Variants in CDK19 observed in about 807,000 individuals in gnomAD.
CDK19 encodes the protein cyclin-dependent kinase 19.
CDK19 carries 20 observed loss-of-function variants against 68.3 expected under a neutral mutation model. The observed-to-expected ratio is 0.29, with a 90% CI of 0.21 to 0.43. CDK19 has a LOEUF of 0.43. CDK19 is among the 20% of genes least tolerant of loss of function. CDK19 has a pLI of 1.00. For missense variants in CDK19, 339 were observed against 623.5 expected (o/e 0.54, Z 4.86); for synonymous variants, 221 against 222.8 (o/e 0.99, Z 0.07).
At chr6:110,657,370 T>C (rs894895809) in intron 4 of CDK19, among the ~76,000 whole-genome samples, 1 of 152,220 alleles carries the variant, frequency 6.6e-6, no homozygotes, top group East Asian at 1.9e-4. Context: ...GTAAAATGAA[T>C]CATCAGTCCT....
At chr6:110,735,111 C>CTT (rs71733873) in intron 2 of CDK19, among the ~76,000 whole-genome samples, 1 of 145,996 alleles carries the variant, frequency 6.8e-6, no homozygotes, top group Non-Finnish European at 1.5e-5. Context: ...TTTTAATCTT[C>CTT]TTTTTTTTTT....
chr6:110,718,159 T>C (rs988653567), intron 2 of CDK19, among the ~76,000 whole-genome samples: 2 of 152,146 alleles, frequency 1.3e-5, no homozygotes, highest in Non-Finnish European at 2.9e-5. Flanking sequence ...CAGTCCAAAG[T>C]GTTTTGTTGG....
chr6:110,705,993 T>C (rs1044924794), intron 2 of CDK19, among the ~76,000 whole-genome samples: 2 of 152,064 alleles, frequency 1.3e-5, no homozygotes, highest in African/African-American at 4.8e-5. Flanking sequence ...ACTTAAAGTA[T>C]AATAAAAAAT....
At chr6:110,644,441 G>C (rs1780413940) in intron 4 of CDK19, among the ~76,000 whole-genome samples, 1 of 152,026 alleles carries the variant, frequency 6.6e-6, no homozygotes, top group Middle Eastern at 3.2e-3. Context: ...ATAAGAAGTA[G>C]TATTTGATAG....
intron 1 of CDK19, among the ~76,000 whole-genome samples, chr6:110,767,003 G>A (rs1051869137): frequency 3.9e-5 from 6 of 151,956 alleles, no homozygotes; most frequent in African/African-American, 1.5e-4. Context: ...GCATTGTGGT[G>A]CGTGTCTCTA....
At chr6:110,797,389 A>G (rs1782016621) in intron 1 of CDK19, among the ~76,000 whole-genome samples, 1 of 152,192 alleles carries the variant, frequency 6.6e-6, no homozygotes. Context: ...AACATTTGTC[A>G]GTAATTTAAC....
At position 110,626,994 on chromosome 6, in the gene CDK19, T is replaced by C. The variant is rs755171551; in HGVS notation, c.790+8A>G. The C allele has an allele frequency of 5.6e-6, 9 of 1,595,496 alleles. No individual in the cohort carries two copies. Among genetic ancestry groups the C allele is most frequent in the Non-Finnish European group, 7.7e-6 (9 of 1,173,016 alleles). ...CAAAATATGACTTTAAAAAGGAAAA[T>C]AAATTACCTGCAGGAAACCCCATGA... On this transcript the variant is annotated splice_region_variant and intron_variant, in intron 7 of 12. Transcript: ENST00000368911.
intron 1 of CDK19, among the ~76,000 whole-genome samples, chr6:110,773,206 G>A (rs1213972708): frequency 3.3e-5 from 5 of 152,050 alleles, no homozygotes; most frequent in Non-Finnish European, 7.4e-5. Context: ...TTAGCTGGGC[G>A]TGATGGTGCG....
intron 1 of CDK19, among the ~76,000 whole-genome samples, chr6:110,802,898 CTT>C (rs1315039355): frequency 3.3e-5 from 5 of 152,074 alleles, no homozygotes; most frequent in Non-Finnish European, 7.4e-5. Flanking sequence ...CTGATGGAAA[CTT>C]AACAAAAATT....
chr6:110,753,929 T>G (rs1330391522), intron 1 of CDK19, among the ~76,000 whole-genome samples: 1 of 152,202 alleles, frequency 6.6e-6, no homozygotes, highest in Non-Finnish European at 1.5e-5. Context: ...CTACTTGAAC[T>G]GTCAGTGCAC....
At chr6:110,767,096 G>A (rs1318085194) in intron 1 of CDK19, among the ~76,000 whole-genome samples, 3 of 151,708 alleles carry the variant, frequency 2.0e-5, no homozygotes, top group African/African-American at 4.8e-5. Flanking sequence ...TTGTGCCACT[G>A]CACTCCAGCC....
intron 4 of CDK19, among the ~76,000 whole-genome samples, chr6:110,664,328 C>A (rs1582810695): frequency 6.6e-6 from 1 of 152,156 alleles, no homozygotes; most frequent in Non-Finnish European, 1.5e-5. Context: ...TTACCCTTAT[C>A]CCCTACTCAG....
At chr6:110,741,692 A>G (rs1349486610) in intron 2 of CDK19, among the ~76,000 whole-genome samples, 1 of 152,022 alleles carries the variant, frequency 6.6e-6, no homozygotes, top group African/African-American at 2.4e-5. Flanking sequence ...TATACAAGGG[A>G]TTCTCAAGAT....
At chr6:110,799,559 C>T (rs1233693940) in intron 1 of CDK19, among the ~76,000 whole-genome samples, 3 of 151,858 alleles carry the variant, frequency 2.0e-5, no homozygotes, top group East Asian at 1.9e-4. Flanking sequence ...AATAGTTATG[C>T]TGGGTTTATT....
At chr6:110,726,092 C>T (rs1038054528) in intron 2 of CDK19, among the ~76,000 whole-genome samples, 1 of 151,050 alleles carries the variant, frequency 6.6e-6, no homozygotes, top group Non-Finnish European at 1.5e-5. Context: ...CTTCAAAGAA[C>T]AATAAGGTAA....
At chr6:110,714,350 T>C (rs1775201582) in intron 2 of CDK19, among the ~76,000 whole-genome samples, 1 of 152,246 alleles carries the variant, frequency 6.6e-6, no homozygotes, top group Non-Finnish European at 1.5e-5. Context: ...TTTTTTGTTA[T>C]TGTGAATAAT....
intron 2 of CDK19, among the ~76,000 whole-genome samples, chr6:110,693,093 C>T (rs535547694): frequency 6.6e-5 from 10 of 152,252 alleles, no homozygotes; most frequent in African/African-American, 1.2e-4. Context: ...TAAAATCTGA[C>T]GGATAGGAGA....
intron 1 of CDK19, among the ~76,000 whole-genome samples, chr6:110,765,627 G>A (rs565739060): frequency 4.0e-5 from 6 of 149,650 alleles, no homozygotes; most frequent in Admixed American, 1.3e-4. Context: ...GCTGCAGTGA[G>A]TCGAGATCAC....
At chr6:110,659,028 G>T (rs1781467291) in intron 4 of CDK19, among the ~76,000 whole-genome samples, 1 of 152,150 alleles carries the variant, frequency 6.6e-6, no homozygotes, top group African/African-American at 2.4e-5. Flanking sequence ...CAAAATCTTA[G>T]AAATAATTTT....
Sources: gnomAD v4.1 joint callset for allele counts (sites outside exome capture counted in the v4.1 genomes callset) on GRCh38, gnomAD v4.1.1 for gene constraint, MANE v1.5 for transcripts, NCBI Gene and HGNC (gene_info 2026-07-23, HGNC 2026-07-21) for gene names.